FAAH2: variants seen among roughly 807,000 people sequenced by gnomAD.
The protein encoded by FAAH2 is fatty acid amide hydrolase 2.
In FAAH2, 60 loss-of-function variants were observed where a neutral mutation model predicts 36.9. The observed-to-expected ratio is 1.63, with a 90% CI of 1.32 to 2.02. The LOEUF is 2.02. Among genes scored for constraint, FAAH2 ranks in the 30% most tolerant of loss-of-function variants. The probability of loss-of-function intolerance (pLI) is 0.00; values close to 1 mark genes in which losing one functional copy is unlikely to be tolerated. For synonymous variants in FAAH2, 214 were observed against 143.8 expected, an observed-to-expected ratio of 1.49 and a Z score of -3.49; for missense variants, 689 against 397.5, an observed-to-expected ratio of 1.73 and a Z score of -6.23.
In FAAH2 at chrX:57,350,402, C is replaced by T. The variant is rs1053086511; in HGVS notation, c.742+9012C>T. Among the ~76,000 whole-genome samples, 3 of 110,031 alleles carry T rather than the reference C, an allele frequency of 2.7e-5. No individual in the cohort carries two copies. In the Admixed American group the frequency reaches 2.9e-4, roughly 11 times the overall value. ...TGGAAGAGAAAGGAATCAAATGGCA[C>T]TACTACAGAATTCCACCAAACCACA... On this transcript the variant is annotated intron_variant, in intron 5 of 10. Coordinates refer to ENST00000374900, the MANE Select transcript of FAAH2 (RefSeq NM_174912.4).
chrX:57,215,454 C>G, the FAAH2 span, among the ~76,000 whole-genome samples: 1 of 111,366 alleles, frequency 9.0e-6, no homozygotes, highest in African/African-American at 3.3e-5. Flanking sequence ...ACCCGGGAAT[C>G]CTATTACTGG....
intron 7 of FAAH2, among the ~76,000 whole-genome samples, chrX:57,411,929 G>T (rs1257967916): frequency 9.0e-6 from 1 of 111,692 alleles, no homozygotes; most frequent in Non-Finnish European, 1.9e-5. Flanking sequence ...TTTTTCATCT[G>T]CAACTATTCC....
chrX:57,418,096 G>C (rs1194738216), intron 7 of FAAH2, among the ~76,000 whole-genome samples: 1 of 111,458 alleles, frequency 9.0e-6, no homozygotes, highest in East Asian at 2.8e-4. Context: ...GCCAGAGCAT[G>C]CCCTATCGAC....
the FAAH2 span, among the ~76,000 whole-genome samples, chrX:57,160,847 G>A: frequency 1.8e-5 from 2 of 111,867 alleles, no homozygotes; most frequent in Admixed American, 9.5e-5. Flanking sequence ...GGTTTTTTGT[G>A]TCTTTATTTC....
chrX:57,332,815 C>T (rs1488457113), intron 4 of FAAH2, among the ~76,000 whole-genome samples: 1 of 111,839 alleles, frequency 8.9e-6, no homozygotes, highest in African/African-American at 3.2e-5. Flanking sequence ...GCTTCCAAAG[C>T]ATACTGTTCT....
At chrX:57,461,956 A>C (rs1167299380) in intron 10 of FAAH2, among the ~76,000 whole-genome samples, 1 of 110,526 alleles carries the variant, frequency 9.0e-6, no homozygotes. Context: ...ATAAAAAATG[A>C]TAAAGGGAAT....
chrX:57,480,204 T>A (rs2057354685), intron 10 of FAAH2, among the ~76,000 whole-genome samples: 1 of 111,547 alleles, frequency 9.0e-6, no homozygotes, highest in Non-Finnish European at 1.9e-5. Context: ...CTGGTACCAT[T>A]CCTTCTGAAA....
intron 5 of FAAH2, among the ~76,000 whole-genome samples, chrX:57,341,730 G>A (rs1374264181): frequency 2.7e-5 from 3 of 110,157 alleles, no homozygotes; most frequent in Non-Finnish European, 5.7e-5. Context: ...CATAGTGCTA[G>A]GATTCAAACC....
chrX:57,137,244 T>C, the FAAH2 span: 1 of 761,299 alleles, frequency 1.3e-6, no homozygotes, highest in Non-Finnish European at 1.6e-6. Flanking sequence ...GGGCCTCACG[T>C]GCCGAAATCG....
the FAAH2 span, among the ~76,000 whole-genome samples, chrX:57,156,173 C>T: frequency 8.9e-6 from 1 of 112,221 alleles, no homozygotes; most frequent in Non-Finnish European, 1.9e-5. Flanking sequence ...GACACACATG[C>T]ATTTTTCATT....
the FAAH2 span, among the ~76,000 whole-genome samples, chrX:57,278,653 C>T: frequency 9.0e-6 from 1 of 110,786 alleles, no homozygotes; most frequent in Non-Finnish European, 1.9e-5. Context: ...AAAAACCTAT[C>T]ATCAGAATGA....
intron 10 of FAAH2, among the ~76,000 whole-genome samples, chrX:57,471,256 C>A (rs878946073): frequency 9.0e-6 from 1 of 111,549 alleles, no homozygotes; most frequent in Admixed American, 9.6e-5. Flanking sequence ...GGCAATGAGG[C>A]AAGAGAAAGG....
At chrX:57,168,865 A>G in the FAAH2 span, among the ~76,000 whole-genome samples, 1 of 112,259 alleles carries the variant, frequency 8.9e-6, no homozygotes, top group Non-Finnish European at 1.9e-5. Context: ...ATAAAACTCT[A>G]TGGGTTTTGA....
the FAAH2 span, among the ~76,000 whole-genome samples, chrX:57,254,113 G>T: frequency 9.1e-6 from 1 of 110,323 alleles, no homozygotes; most frequent in Admixed American, 9.7e-5. Flanking sequence ...AAAAAAAAAG[G>T]CAAGGGGTGC....
the FAAH2 span, among the ~76,000 whole-genome samples, chrX:57,148,221 C>T: frequency 9.0e-6 from 1 of 111,631 alleles, no homozygotes; most frequent in African/African-American, 3.3e-5. Context: ...GTTCTTTTGG[C>T]TTAGGATTGA....
intron 6 of FAAH2, among the ~76,000 whole-genome samples, chrX:57,379,534 C>T (rs1407703110): frequency 1.9e-5 from 1 of 51,956 alleles, no homozygotes; most frequent in East Asian, 5.7e-4. Context: ...CTCTCTCGCT[C>T]TCTCTCTCTC....
In FAAH2 at chrX:57,402,200, G is replaced by A. The variant is rs901183832; in HGVS notation, c.996+21171G>A. Among the ~76,000 whole-genome samples, 3 of 112,215 alleles carry A rather than the reference G, an allele frequency of 2.7e-5. No homozygotes were observed. In the South Asian group the frequency reaches 1.1e-3, roughly 42 times the overall value. On this transcript the variant is annotated intron_variant, in intron 7 of 10. Coordinates refer to ENST00000374900, the MANE Select transcript of FAAH2 (RefSeq NM_174912.4). The stretch of plus-strand genomic sequence containing the variant: ...TCTGGTTAGTGGCTTCTGACTCAGA[G>A]GACCTTCGTCCCCTGGGGCAGTGGG...
At position 57,378,791 on chromosome X, in the gene FAAH2, G is replaced by C. The variant is rs1435234089; in HGVS notation, c.878+5G>C. On this transcript the variant is annotated splice_donor_5th_base_variant and intron_variant, in intron 6 of 10. Transcript: ENST00000374900. ...GGCAGGACCTGGGATCAAAAGGTAT[G>C]TTCATTTATTTTTATTTCCTTGGAC... is the stretch of plus-strand genomic sequence containing the variant. 1 of 1,201,163 alleles carries C rather than the reference G, an allele frequency of 8.3e-7. No homozygotes were observed.
intron 7 of FAAH2, among the ~76,000 whole-genome samples, chrX:57,421,538 C>T (rs762304178): frequency 6.3e-5 from 7 of 111,603 alleles, no homozygotes; most frequent in Non-Finnish European, 1.1e-4. Context: ...TACAGATGGC[C>T]ACCTTCTCAC....
Sources: gnomAD v4.1 joint callset for allele counts (sites outside exome capture counted in the v4.1 genomes callset) on GRCh38, gnomAD v4.1.1 for gene constraint, MANE v1.5 for transcripts, NCBI Gene and HGNC (gene_info 2026-07-23, HGNC 2026-07-21) for gene names.